The following DCAF1 variants were observed in gnomAD, a reference collection of about 807,000 sequenced individuals.
DCAF1 encodes the protein DDB1- and CUL4-associated factor 1.
DCAF1 carries 15 observed loss-of-function variants against 128.0 expected under a neutral mutation model. The ratio of observed to expected loss-of-function variants is 0.12; its 90% CI spans 0.08 to 0.18. The LOEUF (loss-of-function observed/expected upper bound fraction) is 0.18, where lower values mean the gene tolerates loss of function less well. Among genes scored for constraint, DCAF1 ranks in the 10% least tolerant of loss-of-function variants. The pLI, the probability that DCAF1 is intolerant of heterozygous loss-of-function variation, is 1.00. For synonymous variants in DCAF1, 610 were observed against 603.0 expected (o/e 1.01, Z -0.17); for missense variants, 988 against 1,649.5 (o/e 0.60, Z 6.95).
intron 13 of DCAF1, among the ~76,000 whole-genome samples, chr3:51,425,299 C>T (rs1383357799): frequency 6.6e-6 from 1 of 151,892 alleles, no homozygotes; most frequent in African/African-American, 2.4e-5. Context: ...GGCAAAACCC[C>T]GTCTCTACTA....
chr3:51,485,885 A>ATTT (rs10536057), intron 2 of DCAF1, among the ~76,000 whole-genome samples: 1 of 136,734 alleles, frequency 7.3e-6, no homozygotes, highest in Non-Finnish European at 1.6e-5. Flanking sequence ...AAGATTATTT[A>ATTT]TTTTTTTTTT....
In DCAF1 at chr3:51,414,667, A is replaced by C; in HGVS notation, c.3794T>G (p.Val1265Gly). 1.2e-6 allele frequency: 2 copies of C among 1,614,034 alleles called. No individual in the cohort carries two copies. The highest frequency in any genetic ancestry group is 1.7e-6 in the Non-Finnish European group (2 of 1,179,892). The change falls in exon 19 of 25, where the codon GTT (valine) becomes GGT (glycine). Residue 1265 changes from valine (V) to glycine (G), a missense_variant. Transcript: ENST00000684031. ...CACCTCCAGTCCATTTGGATGGAAAACACCACTGATGTTCATATTGAACTT... is the reference window on the plus strand; with the variant it reads ...CACCTCCAGTCCATTTGGATGGAAACCACCACTGATGTTCATATTGAACTT... ...FDKFNMNISG[V>G]FHPNGLEVII...
At chr3:51,493,599 G>A (rs1707904132) in intron 2 of DCAF1, among the ~76,000 whole-genome samples, 1 of 152,122 alleles carries the variant, frequency 6.6e-6, no homozygotes, top group Admixed American at 6.6e-5. Flanking sequence ...GGAATATTCA[G>A]TCATAGAAAT....
upstream of DCAF1, among the ~76,000 whole-genome samples, chr3:51,503,923 T>G (rs532660075): frequency 6.6e-6 from 1 of 152,242 alleles, no homozygotes; most frequent in African/African-American, 2.4e-5. Context: ...ATACCTAGCC[T>G]CTTTTGCCTC....
At chr3:51,427,187 T>C (rs1378646914) in intron 13 of DCAF1, among the ~76,000 whole-genome samples, 185 bp downstream of exon 13, 1 of 152,222 alleles carries the variant, frequency 6.6e-6, no homozygotes, top group Non-Finnish European at 1.5e-5. Context: ...CAAGACCATA[T>C]ATATGAACAA....
At chr3:51,428,315 G>GGT (rs1210285321) in intron 12 of DCAF1, among the ~76,000 whole-genome samples, 2 of 148,126 alleles carry the variant, frequency 1.4e-5, no homozygotes, top group Non-Finnish European at 3.0e-5. Flanking sequence ...AGCTGACACA[G>GGT]GTGTACCACC....
intron 23 of DCAF1, among the ~76,000 whole-genome samples, chr3:51,408,069 TCTG>T (rs1334052111): frequency 1.3e-5 from 2 of 150,586 alleles, no homozygotes; most frequent in Non-Finnish European, 3.0e-5. Context: ...CTAGCTTATC[TCTG>T]CTTTCATCAA....
chr3:51,463,572 G>A (rs1447457063), intron 5 of DCAF1, among the ~76,000 whole-genome samples: 1 of 152,004 alleles, frequency 6.6e-6, no homozygotes, highest in African/African-American at 2.4e-5. Context: ...CACTTGAGCT[G>A]AGGAGTTTGA....
At chr3:51,454,667 A>G (rs1702702859) in intron 6 of DCAF1, among the ~76,000 whole-genome samples, 1 of 148,658 alleles carries the variant, frequency 6.7e-6, no homozygotes, top group South Asian at 2.1e-4. Context: ...CCAGCCCCTA[A>G]TTTTTGTTTT....
intron 9 of DCAF1, among the ~76,000 whole-genome samples, chr3:51,436,161 C>T (rs1035268020): frequency 6.6e-6 from 1 of 152,186 alleles, no homozygotes; most frequent in African/African-American, 2.4e-5. Flanking sequence ...AAAATTCACC[C>T]CAACAACAAT....
chr3:51,402,503 C>G (rs1291277000), intron 24 of DCAF1, among the ~76,000 whole-genome samples: 6 of 151,542 alleles, frequency 4.0e-5, no homozygotes, highest in Non-Finnish European at 8.8e-5. Flanking sequence ...TTGTCTATGA[C>G]TGCTTTCTCA....
intron 13 of DCAF1, among the ~76,000 whole-genome samples, chr3:51,424,881 G>C (rs1164034006): frequency 2.6e-5 from 4 of 152,124 alleles, no homozygotes; most frequent in Non-Finnish European, 4.4e-5. Context: ...GGGTGACTCT[G>C]GGGAGGCAGA....
At chr3:51,432,267 TAAAA>T (rs879192648) in intron 10 of DCAF1, among the ~76,000 whole-genome samples, 2 of 99,042 alleles carry the variant, frequency 2.0e-5, no homozygotes, top group Non-Finnish European at 3.8e-5. Context: ...CAAGATTCTG[TAAAA>T]AAAAAAAAAA....
At chr3:51,466,999 T>A (rs1553646739) in intron 4 of DCAF1, 123 bp from the exon 5 acceptor site, 1 of 734,312 alleles carries the variant, frequency 1.4e-6, no homozygotes, top group Non-Finnish European at 2.3e-6. Context: ...GCAAAAATAA[T>A]CAGAAACAAA....
In DCAF1 at chr3:51,483,712, T is replaced by A; in HGVS notation, c.110+7A>T. The A allele has an allele frequency of 6.2e-7, 1 of 1,610,776 alleles. No individual in the cohort carries two copies. Among genetic ancestry groups the A allele is most frequent in the Non-Finnish European group, 8.5e-7 (1 of 1,177,494 alleles). On this transcript the variant is annotated splice_region_variant and intron_variant, in intron 3 of 24. Coordinates refer to ENST00000684031, the MANE Select transcript of DCAF1 (RefSeq NM_001387579.1). ...ATTAAACTAGGTTTTAAAAAAGTTA[T>A]TCATACCTGGTAAGGATAGGTACCA...
intron 14 of DCAF1, 83 bp from the exon 15 acceptor site, chr3:51,421,080 T>C: frequency 6.8e-7 from 1 of 1,473,716 alleles, no homozygotes. Context: ...AAATTTGGTG[T>C]TCTACTCACT....
intron 12 of DCAF1, among the ~76,000 whole-genome samples, chr3:51,428,010 A>G (rs1553634570): frequency 6.6e-6 from 1 of 152,158 alleles, no homozygotes; most frequent in Non-Finnish European, 1.5e-5. Context: ...AAATTCCACA[A>G]TTCTTGAGTC....
chr3:51,451,105 T>A (rs961304117), intron 6 of DCAF1, among the ~76,000 whole-genome samples: 9 of 128,886 alleles, frequency 7.0e-5, no homozygotes, highest in Non-Finnish European at 1.1e-4. Flanking sequence ...TTTTTTTTTT[T>A]AGTGACAAGG....
chr3:51,415,308 C>T (rs1553629971), intron 18 of DCAF1, among the ~76,000 whole-genome samples: 1 of 151,798 alleles, frequency 6.6e-6, no homozygotes. Flanking sequence ...GCCTGGGCAA[C>T]GTTGGGGAAA....
Sources: gnomAD v4.1 joint callset for allele counts (sites outside exome capture counted in the v4.1 genomes callset) on GRCh38, gnomAD v4.1.1 for gene constraint, MANE v1.5 for transcripts, NCBI Gene and HGNC (gene_info 2026-07-23, HGNC 2026-07-21) for gene names.